The following RIMBP2 variants were observed in gnomAD, a reference collection of about 807,000 sequenced individuals.
RIMBP2 encodes the protein RIMS-binding protein 2.
Under a neutral mutation model 118.6 loss-of-function variants are expected in RIMBP2, and 48 were observed. The observed-to-expected ratio is 0.40, with a 90% CI of 0.32 to 0.51. The LOEUF (loss-of-function observed/expected upper bound fraction) is 0.51. Among genes scored for constraint, RIMBP2 ranks in the 20% least tolerant of loss-of-function variants. RIMBP2 has a pLI of 0.41. For synonymous variants in RIMBP2, 762 were observed against 742.9 expected (o/e 1.03, Z -0.42); for missense variants, 1,551 against 1,768.3 (o/e 0.88, Z 2.20).
At chr12:130,569,358 G>A (rs529085779) in intron 2 of RIMBP2, among the ~76,000 whole-genome samples, 1 of 152,310 alleles carries the variant, frequency 6.6e-6, no homozygotes, top group East Asian at 1.9e-4. Flanking sequence ...CTCACTAACA[G>A]AATCCCAGGC....
intron 1 of RIMBP2, among the ~76,000 whole-genome samples, chr12:130,682,238 T>C (rs930914615): frequency 1.3e-5 from 2 of 152,190 alleles, no homozygotes; most frequent in African/African-American, 2.4e-5. Flanking sequence ...ATGCATCTCC[T>C]TTCCCAGCCA....
intron 1 of RIMBP2, among the ~76,000 whole-genome samples, chr12:130,713,239 A>AAGGAAGGAAGAT (rs1950075763): frequency 2.0e-5 from 3 of 149,094 alleles, no homozygotes; most frequent in African/African-American, 7.4e-5. Flanking sequence ...GGAAGGAAGG[A>AAGGAAGGAAGAT]AGGAAGGAAG....
At chr12:130,577,958 T>C (rs547247656) in intron 2 of RIMBP2, among the ~76,000 whole-genome samples, 2 of 152,334 alleles carry the variant, frequency 1.3e-5, no homozygotes, top group South Asian at 4.1e-4. Context: ...CATTTCACAA[T>C]GTCTACATCA....
intron 1 of RIMBP2, among the ~76,000 whole-genome samples, chr12:130,678,858 A>G (rs2064632646): frequency 6.6e-6 from 1 of 152,150 alleles, no homozygotes; most frequent in South Asian, 2.1e-4. Flanking sequence ...ATGTGCAGGA[A>G]AATCCACAGA....
intron 21 of RIMBP2, among the ~76,000 whole-genome samples, chr12:130,402,119 C>A (rs2074652217): frequency 6.6e-6 from 1 of 152,186 alleles, no homozygotes; most frequent in South Asian, 2.1e-4. Flanking sequence ...TCACTCCCTT[C>A]CCCATGTCTG....
chr12:130,571,977 C>T (rs980175914), intron 2 of RIMBP2, among the ~76,000 whole-genome samples: 5 of 152,222 alleles, frequency 3.3e-5, no homozygotes, highest in Non-Finnish European at 5.9e-5. Context: ...CCTGTCCCGG[C>T]GCCCTCGGTC....
intron 2 of RIMBP2, among the ~76,000 whole-genome samples, chr12:130,588,795 A>C (rs936363798): frequency 1.3e-5 from 2 of 152,248 alleles, no homozygotes; most frequent in Non-Finnish European, 2.9e-5. Flanking sequence ...TGAAACAGGA[A>C]GCTCAGTAGC....
chr12:130,498,633 C>CAAAA lies in RIMBP2; in HGVS notation c.-4+8011_-4+8014dup, dbSNP rs35549770. On this transcript the variant is annotated intron_variant, in intron 4 of 22. Coordinates refer to ENST00000690449, the MANE Select transcript of RIMBP2 (RefSeq NM_001393629.1). ...ACAAAGTGCTGAGGGAAACAGCATTCAAAAAAAAAAAAAAAAAACACTCAG... is the reference window on the plus strand; with the variant it reads ...ACAAAGTGCTGAGGGAAACAGCATTCAAAAAAAAAAAAAAAAAAAAAACACTCAG... 1.3e-3 allele frequency among the ~76,000 whole-genome samples: 153 copies of CAAAA among 115,644 alleles called. 3 individuals carry two copies. The highest frequency in any genetic ancestry group is 5.6e-3 in the South Asian group (18 of 3,214). The allele number at this position is 115,644 out of a possible 152,430, so 75.9% of individuals were successfully genotyped here.
intron 6 of RIMBP2, among the ~76,000 whole-genome samples, chr12:130,467,190 C>T (rs1360344659): frequency 1.3e-5 from 2 of 152,244 alleles, no homozygotes; most frequent in African/African-American, 4.8e-5. Context: ...AGCCTCCTTC[C>T]CTGCCTGGAA....
chr12:130,658,252 G>C (rs2063510063), intron 1 of RIMBP2: 1 of 152,230 alleles, frequency 6.6e-6, no homozygotes, highest in African/African-American at 2.4e-5. Context: ...GGTTCTCTGA[G>C]CCCAGCCTGA....
chr12:130,540,874 G>T (rs2054544185), intron 2 of RIMBP2, among the ~76,000 whole-genome samples: 1 of 152,166 alleles, frequency 6.6e-6, no homozygotes, highest in Non-Finnish European at 1.5e-5. Flanking sequence ...CAGTTTCTGG[G>T]TATTTCAAGG....
intron 17 of RIMBP2, among the ~76,000 whole-genome samples, chr12:130,415,048 T>A (rs1408043573): frequency 6.6e-6 from 1 of 152,164 alleles, no homozygotes; most frequent in Non-Finnish European, 1.5e-5. Flanking sequence ...CCCTAACTCA[T>A]TCTATGAAGC....
intron 1 of RIMBP2, among the ~76,000 whole-genome samples, chr12:130,644,452 C>T (rs1425249049): frequency 1.3e-5 from 2 of 152,076 alleles, no homozygotes; most frequent in Non-Finnish European, 1.5e-5. Flanking sequence ...TACCTGTGGC[C>T]GAATTCATTA....
chr12:130,551,192 C>T (rs570422285), intron 2 of RIMBP2, among the ~76,000 whole-genome samples: 1 of 152,176 alleles, frequency 6.6e-6, no homozygotes, highest in Non-Finnish European at 1.5e-5. Flanking sequence ...CAGCAAGAGC[C>T]CCAGATGTGG....
At chr12:130,583,900 G>A (rs1370579993) in intron 2 of RIMBP2, among the ~76,000 whole-genome samples, 2 of 106,396 alleles carry the variant, frequency 1.9e-5, no homozygotes, top group African/African-American at 3.8e-5. Flanking sequence ...TCATCACCAT[G>A]ACATCATCAC....
intron 2 of RIMBP2, among the ~76,000 whole-genome samples, chr12:130,605,565 T>C (rs1310196754): frequency 6.6e-6 from 1 of 152,206 alleles, no homozygotes; most frequent in Non-Finnish European, 1.5e-5. Context: ...TAGAAAATAA[T>C]TTTATTTTTA....
chr12:130,562,300 G>A (rs985223788), intron 2 of RIMBP2, among the ~76,000 whole-genome samples: 16 of 152,130 alleles, frequency 1.1e-4, no homozygotes, highest in Non-Finnish European at 1.5e-4. Flanking sequence ...TTATCTGCTA[G>A]AAATAGAAAA....
At chr12:130,613,247 C>T (rs570269738) in intron 2 of RIMBP2, among the ~76,000 whole-genome samples, 7 of 152,320 alleles carry the variant, frequency 4.6e-5, no homozygotes, top group Admixed American at 1.3e-4. Context: ...AGGCAGGGGA[C>T]GCCGCCCCCA....
rs537336633 is a variant in RIMBP2, at chr12:130,525,543, G to A, written c.-216-7626C>T. 3.8e-4 allele frequency among the ~76,000 whole-genome samples: 58 copies of A among 152,310 alleles called. No individual in the cohort carries two copies. Among genetic ancestry groups the A allele is most frequent in the African/African-American group, 1.3e-3 (56 of 41,578 alleles). ...CCTTCCTCCCACAGGCGAGTGGAAT[G>A]TGGGTAGCTGCCGGGAACAGCAGCC... On this transcript the variant is annotated intron_variant, in intron 2 of 22. Transcript: ENST00000690449. The surrounding 1 kb of genome is among the most constrained non-coding windows in gnomAD (Gnocchi z 4.4).
Sources: gnomAD v4.1 joint callset for allele counts (sites outside exome capture counted in the v4.1 genomes callset) on GRCh38, gnomAD v4.1.1 for gene constraint, Gnocchi (gnomAD v3.1) non-coding constraint, MANE v1.5 for transcripts, NCBI Gene and HGNC (gene_info 2026-07-23, HGNC 2026-07-21) for gene names.